SRRM4: variants seen among roughly 807,000 people sequenced by gnomAD.
The protein encoded by SRRM4 is serine/arginine repetitive matrix protein 4.
Under a neutral mutation model 68.9 loss-of-function variants are expected in SRRM4, and 33 were observed. The ratio of observed to expected loss-of-function variants is 0.48; its 90% CI spans 0.36 to 0.64. The LOEUF is 0.64. Ranked by LOEUF, SRRM4 falls within the 30% of genes least tolerant of loss-of-function variation. SRRM4 has a pLI of 0.00. For synonymous variants in SRRM4, 318 were observed against 318.8 expected, an observed-to-expected ratio of 1.00 and a Z score of 0.03; for missense variants, 817 against 827.1, an observed-to-expected ratio of 0.99 and a Z score of 0.15.
chr12:119,136,613 G>A (rs113209297), intron 8 of SRRM4, among the ~76,000 whole-genome samples: 46 of 152,094 alleles, frequency 3.0e-4, no homozygotes, highest in Non-Finnish European at 4.4e-5. Context: ...GGAAAGACAC[G>A]ACCTTGGAAG....
chr12:118,983,687 C>T (rs567040111), intron 1 of SRRM4, among the ~76,000 whole-genome samples: 2 of 152,158 alleles, frequency 1.3e-5, no homozygotes, highest in Admixed American at 1.3e-4. Context: ...GAGAGGAAAG[C>T]GGATTCTTGG....
chr12:119,062,919 TG>T (rs1189734429), intron 1 of SRRM4, among the ~76,000 whole-genome samples: 3 of 152,230 alleles, frequency 2.0e-5, no homozygotes, highest in Non-Finnish European at 2.9e-5. Context: ...TATTACCTTA[TG>T]GGGTTACTGT....
At chr12:118,998,215 G>A (rs1490032727) in intron 1 of SRRM4, among the ~76,000 whole-genome samples, 1 of 127,538 alleles carries the variant, frequency 7.8e-6, no homozygotes, top group South Asian at 2.6e-4. Context: ...ATATTTCTTA[G>A]AGTGCCAGCC....
intron 1 of SRRM4, among the ~76,000 whole-genome samples, chr12:119,008,363 C>CAAAA (rs201771244): frequency 2.3e-5 from 3 of 129,020 alleles, no homozygotes; most frequent in African/African-American, 8.5e-5. Context: ...GATCCTGTCT[C>CAAAA]AAAAAAAAAA....
chr12:119,062,368 C>T (rs541750222), intron 1 of SRRM4, among the ~76,000 whole-genome samples: 28 of 152,278 alleles, frequency 1.8e-4, no homozygotes, highest in African/African-American at 2.9e-4. Flanking sequence ...ACTTAAGCTA[C>T]GCTCAATTTA....
chr12:119,143,848 AG>A (rs974797710), intron 8 of SRRM4, among the ~76,000 whole-genome samples: 3 of 152,102 alleles, frequency 2.0e-5, no homozygotes, highest in African/African-American at 7.2e-5. Context: ...AGCAGTCTTA[AG>A]GGGGTGCCTT....
At position 118,981,578 on chromosome 12, in the gene SRRM4, T is replaced by G. The variant is rs933830558; in HGVS notation, c.-305T>G. The G allele has an allele frequency of 6.1e-6, 2 of 326,822 alleles. No homozygotes were observed. The highest frequency in any genetic ancestry group is 5.6e-6 in the Non-Finnish European group (1 of 177,904). The allele number at this position is 326,822 out of a possible 1,614,324, so 20.2% of individuals were successfully genotyped here. Reference sequence around the variant, plus strand: ...ACATCCGACCCCGTCGCCTCTTCTCTCCTGGTGCTGCCCAGAAAGCCAGCC... The same window carrying G: ...ACATCCGACCCCGTCGCCTCTTCTCGCCTGGTGCTGCCCAGAAAGCCAGCC... On this transcript the variant is annotated 5_prime_UTR_variant, in exon 1 of 13. Transcript: ENST00000267260.
intron 1 of SRRM4, among the ~76,000 whole-genome samples, chr12:119,052,789 A>G (rs551786366): frequency 1.3e-5 from 2 of 152,288 alleles, no homozygotes; most frequent in South Asian, 4.2e-4. Context: ...TCGGCCTCCC[A>G]AAGTGCTGGG....
chr12:119,077,335 A>T (rs7956868), intron 1 of SRRM4, among the ~76,000 whole-genome samples: 1 of 151,908 alleles, frequency 6.6e-6, no homozygotes, highest in Non-Finnish European at 1.5e-5. Flanking sequence ...TTTTGATATA[A>T]GTGATCCATG....
intron 8 of SRRM4, among the ~76,000 whole-genome samples, chr12:119,143,758 G>A (rs1010785386): frequency 6.6e-6 from 1 of 152,198 alleles, no homozygotes; most frequent in African/African-American, 2.4e-5. Flanking sequence ...GAGGTCTACA[G>A]AGACCTGGAA....
At chr12:119,017,348 G>A (rs1047903954) in intron 1 of SRRM4, among the ~76,000 whole-genome samples, 2 of 152,208 alleles carry the variant, frequency 1.3e-5, no homozygotes, top group Non-Finnish European at 2.9e-5. Context: ...GCTATGCCTG[G>A]AAAGGCACAT....
intron 1 of SRRM4, among the ~76,000 whole-genome samples, chr12:119,057,027 A>G (rs1422170448): frequency 6.6e-6 from 1 of 152,218 alleles, no homozygotes; most frequent in Non-Finnish European, 1.5e-5. Context: ...CATTCAACAG[A>G]TGATAAGATA....
intron 1 of SRRM4, among the ~76,000 whole-genome samples, chr12:119,086,802 A>T (rs868563044): frequency 6.6e-6 from 1 of 152,230 alleles, no homozygotes; most frequent in Middle Eastern, 3.2e-3. Flanking sequence ...TTGAGCCTAG[A>T]AAAGATCCCT....
intron 1 of SRRM4, among the ~76,000 whole-genome samples, chr12:118,995,225 T>C (rs1003291279): frequency 6.6e-6 from 1 of 152,230 alleles, no homozygotes; most frequent in African/African-American, 2.4e-5. Flanking sequence ...CTGTGACAAT[T>C]TCCATTCTGT....
rs757968586 is a variant in SRRM4 at position 119,065,515 on chromosome 12, T to A, written c.132-36721T>A. Among the ~76,000 whole-genome samples, 2 of 152,182 alleles carry A rather than the reference T, an allele frequency of 1.3e-5. 1 individual carries two copies. The highest frequency in any genetic ancestry group is 6.8e-3 in the Middle Eastern group (2 of 294). ...ACTTTGGGAGGCTGAAGCGGGAAGA[T>A]CACAAGGTCAGGCATTTGAGACCAG... On this transcript the variant is annotated intron_variant, in intron 1 of 12. Transcript: ENST00000267260.
chr12:119,113,011 A>G (rs1954154161), intron 2 of SRRM4, among the ~76,000 whole-genome samples: 1 of 152,220 alleles, frequency 6.6e-6, no homozygotes, highest in Admixed American at 6.5e-5. Context: ...TTCCACATTC[A>G]GGAAAGCAAA....
intron 1 of SRRM4, among the ~76,000 whole-genome samples, chr12:119,020,515 ACTGT>A (rs1953509947): frequency 6.6e-6 from 1 of 152,166 alleles, no homozygotes; most frequent in African/African-American, 2.4e-5. Context: ...CTTATCAGTA[ACTGT>A]CTGGGTAGAA....
At chr12:119,112,319 T>C (rs1417323075) in intron 2 of SRRM4, among the ~76,000 whole-genome samples, 1 of 152,184 alleles carries the variant, frequency 6.6e-6, no homozygotes, top group Non-Finnish European at 1.5e-5. Context: ...GGTGAGGTTG[T>C]ACAGAAATAG....
chr12:119,019,360 A>G (rs1953500230), intron 1 of SRRM4, among the ~76,000 whole-genome samples: 1 of 152,156 alleles, frequency 6.6e-6, no homozygotes, highest in Admixed American at 6.5e-5. Flanking sequence ...GGGGCTGCCT[A>G]CAAATCTGAG....
Sources: gnomAD v4.1 joint callset for allele counts (sites outside exome capture counted in the v4.1 genomes callset) on GRCh38, gnomAD v4.1.1 for gene constraint, MANE v1.5 for transcripts, NCBI Gene and HGNC (gene_info 2026-07-23, HGNC 2026-07-21) for gene names.